Variants in SCARA5 observed in about 807,000 individuals in gnomAD.
SCARA5 encodes scavenger receptor class A, member 5 (putative).
Under a neutral mutation model 46.3 loss-of-function variants are expected in SCARA5, and 45 were observed. The observed-to-expected ratio is 0.97, with a 90% CI of 0.76 to 1.24. The LOEUF (loss-of-function observed/expected upper bound fraction) is 1.24. Among genes scored for constraint, SCARA5 ranks in the 50% most tolerant of loss-of-function variants. The pLI is 0.00. For missense variants in SCARA5, 680 were observed against 689.0 expected, an observed-to-expected ratio of 0.99 and a Z score of 0.15; for synonymous variants, 333 against 306.5, an observed-to-expected ratio of 1.09 and a Z score of -0.90.
chr8:27,939,433 CT>C (rs1318093388), intron 3 of SCARA5, among the ~76,000 whole-genome samples: 1 of 152,192 alleles, frequency 6.6e-6, no homozygotes, highest in East Asian at 1.9e-4. Flanking sequence ...TGAGCTCTGA[CT>C]TTTGCATGTC....
chr8:27,884,454 G>A (rs1415181324), intron 7 of SCARA5, among the ~76,000 whole-genome samples: 2 of 152,252 alleles, frequency 1.3e-5, no homozygotes, highest in African/African-American at 2.4e-5. Context: ...CAGGCTGTCA[G>A]CCCTGGTTTC....
chr8:27,949,948 C>T (rs908063131), intron 3 of SCARA5, among the ~76,000 whole-genome samples: 2 of 152,240 alleles, frequency 1.3e-5, no homozygotes, highest in African/African-American at 4.8e-5. Context: ...GCTGATGGTG[C>T]TGCTAAGCAT....
intron 7 of SCARA5, among the ~76,000 whole-genome samples, chr8:27,897,645 G>A (rs1378364957): frequency 2.0e-5 from 3 of 152,030 alleles, no homozygotes; most frequent in Non-Finnish European, 4.4e-5. Flanking sequence ...AGGCTCGGCT[G>A]CCTGTGTACG....
At chr8:27,919,983 TGA>T (rs758204574) in intron 4 of SCARA5, among the ~76,000 whole-genome samples, 20 of 151,164 alleles carry the variant, frequency 1.3e-4, no homozygotes, top group Non-Finnish European at 2.7e-4. Context: ...CAGTGGGCTT[TGA>T]GCAGGGGGAT....
intron 3 of SCARA5, among the ~76,000 whole-genome samples, chr8:27,944,834 C>T (rs956370819): frequency 6.6e-6 from 1 of 152,032 alleles, no homozygotes. Context: ...CACGCCACTG[C>T]ACTCGTCTGG....
At chr8:27,959,266 G>A (rs1240091188) in intron 3 of SCARA5, among the ~76,000 whole-genome samples, 8 of 152,030 alleles carry the variant, frequency 5.3e-5, no homozygotes, top group Non-Finnish European at 1.2e-4. Flanking sequence ...AGTCTCATGA[G>A]AATTTAAACT....
chr8:27,978,083 G>A (rs1473675765), intron 2 of SCARA5, among the ~76,000 whole-genome samples: 3 of 140,068 alleles, frequency 2.1e-5, no homozygotes, highest in African/African-American at 8.0e-5. Context: ...CTGGAGTGCA[G>A]TGGCGCGATC....
At chr8:27,925,306 C>T (rs976658198) in intron 3 of SCARA5, among the ~76,000 whole-genome samples, 2 of 152,170 alleles carry the variant, frequency 1.3e-5, no homozygotes, top group Admixed American at 1.3e-4. Context: ...ACCAATGGAA[C>T]AGAGCAGACG....
At chr8:27,923,108 AG>A (rs1451329916) in intron 3 of SCARA5, among the ~76,000 whole-genome samples, 1 of 152,250 alleles carries the variant, frequency 6.6e-6, no homozygotes, top group African/African-American at 2.4e-5. Context: ...AGCATTGCCC[AG>A]GGTAAAAATT....
At chr8:27,904,015 A>G (rs1484853768) in intron 7 of SCARA5, among the ~76,000 whole-genome samples, 1 of 74,598 alleles carries the variant, frequency 1.3e-5, no homozygotes, top group African/African-American at 4.6e-5. Context: ...CAAGTCTCCA[A>G]GATTCTACAT....
At chr8:27,916,009 G>A (rs1807455275) in intron 4 of SCARA5, among the ~76,000 whole-genome samples, 2 of 152,114 alleles carry the variant, frequency 1.3e-5, no homozygotes, top group Admixed American at 1.3e-4. Flanking sequence ...CTTCTCCTCT[G>A]TGATGATCTA....
chr8:27,879,418 C>A, intron 8 of SCARA5, 151 bp downstream of exon 8: 9 of 687,130 alleles, frequency 1.3e-5, no homozygotes, highest in Middle Eastern at 2.6e-4. Flanking sequence ...TTGCCTGGGG[C>A]GGGGCAGTGA....
chr8:27,936,459 C>A (rs1325082716), intron 3 of SCARA5, among the ~76,000 whole-genome samples: 2 of 151,610 alleles, frequency 1.3e-5, no homozygotes, highest in South Asian at 2.1e-4. Context: ...CGTGGTGGCA[C>A]ATGCCTGTAA....
intron 3 of SCARA5, among the ~76,000 whole-genome samples, chr8:27,928,944 G>A (rs746121251): frequency 1.3e-5 from 2 of 152,010 alleles, no homozygotes; most frequent in African/African-American, 2.4e-5. Context: ...GAGCCACCAG[G>A]CCTGGCCAAG....
At chr8:27,942,729 G>A (rs567676642) in intron 3 of SCARA5, among the ~76,000 whole-genome samples, 1 of 152,152 alleles carries the variant, frequency 6.6e-6, no homozygotes, top group South Asian at 2.1e-4. Context: ...TCCTGGAGTT[G>A]GGCTGCCTTG....
At chr8:27,955,324 T>A (rs565880072) in intron 3 of SCARA5, among the ~76,000 whole-genome samples, 2 of 152,202 alleles carry the variant, frequency 1.3e-5, no homozygotes, top group African/African-American at 2.4e-5. Context: ...GGGGCCACCC[T>A]ACCCCCAGTT....
At chr8:27,889,776 G>A (rs1171582878) in intron 7 of SCARA5, among the ~76,000 whole-genome samples, 1 of 152,218 alleles carries the variant, frequency 6.6e-6, no homozygotes, top group African/African-American at 2.4e-5. Flanking sequence ...GTGAAGCACA[G>A]CCATTGCTGA....
intron 5 of SCARA5, among the ~76,000 whole-genome samples, chr8:27,909,327 C>T (rs1381862845): frequency 6.6e-6 from 1 of 152,142 alleles, no homozygotes; most frequent in Non-Finnish European, 1.5e-5. Flanking sequence ...GGGACAGCAT[C>T]TTCAAAGGGT....
chr8:27,879,611 G>C lies in SCARA5; in HGVS notation c.1309C>G (p.Arg437Gly). Residue 437 changes from arginine (R) to glycine (G), a missense_variant, in exon 8 of 9, where the codon CGC (arginine) becomes GGC (glycine). Coordinates refer to ENST00000354914, the MANE Select transcript of SCARA5 (RefSeq NM_173833.6). Reference protein sequence around the residue: ...GDVVCRMLGFRGVEEVYRTAR... With the variant: ...GDVVCRMLGFGGVEEVYRTAR... ...GTGCGGTACACCTCCTCCACACCGC[G>C]GAAGCCGAGCATGCGGCACACCACG... The C allele has an allele frequency of 6.2e-7, 1 of 1,611,220 alleles. No homozygotes were observed. The highest frequency in any genetic ancestry group is 8.5e-7 in the Non-Finnish European group (1 of 1,180,012).
Sources: gnomAD v4.1 joint callset for allele counts (sites outside exome capture counted in the v4.1 genomes callset) on GRCh38, gnomAD v4.1.1 for gene constraint, MANE v1.5 for transcripts, NCBI Gene and HGNC (gene_info 2026-07-23, HGNC 2026-07-21) for gene names.